Variants in NEU3 observed in about 807,000 individuals in gnomAD.
NEU3 encodes the protein sialidase-3.
Under a neutral mutation model 11.4 loss-of-function variants are expected in NEU3, and 10 were observed. The ratio of observed to expected loss-of-function variants is 0.88; its 90% confidence interval spans 0.54 to 1.49. The LOEUF (loss-of-function observed/expected upper bound fraction) is 1.49, where lower values mean the gene tolerates loss of function less well. Among genes scored for constraint, NEU3 ranks in the 40% most tolerant of loss-of-function variants. The probability of loss-of-function intolerance (pLI) is 0.00; values close to 1 mark genes in which losing one functional copy is unlikely to be tolerated. For missense variants in NEU3, 529 were observed against 581.8 expected (o/e 0.91, Z 0.93); for synonymous variants, 212 against 228.2 (o/e 0.93, Z 0.64).
Position 75,007,424 on chromosome 11 carries a change from T to C in NEU3, c.*932T>C, listed in dbSNP as rs1948910397. The C allele has an allele frequency of 6.6e-6, 1 of 152,208 alleles. No individual in the cohort carries two copies. The highest frequency in any genetic ancestry group is 1.5e-5 in the Non-Finnish European group (1 of 68,042). The allele number at this position is 152,208 out of a possible 1,614,324, so 9.4% of individuals were successfully genotyped here. On this transcript the variant is annotated 3_prime_UTR_variant, in exon 3 of 3. Transcript: ENST00000294064. The stretch of plus-strand genomic sequence containing the variant: ...AGCTGGTGGGAGACTTTGTAGATGT[T>C]GGGCTATATGTTGGGGTGATGGTAG...
intron 3 of NEU3, among the ~76,000 whole-genome samples, chr11:75,017,117 A>T (rs1023996206): frequency 1.2e-4 from 18 of 152,168 alleles, no homozygotes; most frequent in African/African-American, 4.1e-4. Flanking sequence ...TTATATGAAG[A>T]TGCTGACTTG....
chr11:74,989,189 G>C, intron 1 of NEU3, 35 bp downstream of exon 1: 1 of 1,509,560 alleles, frequency 6.6e-7, no homozygotes, highest in Non-Finnish European at 9.0e-7. Flanking sequence ...AGCTCCCCGA[G>C]GAGGACTCAA....
At chr11:75,003,850 A>G (rs564466402) in intron 2 of NEU3, among the ~76,000 whole-genome samples, 58 of 152,208 alleles carry the variant, frequency 3.8e-4, no homozygotes, top group South Asian at 6.2e-4. Context: ...AGATGACACC[A>G]CTGCACTGCA....
Position 75,006,025 on chromosome 11 carries a change from G to C in NEU3, c.919G>C (p.Glu307Gln), listed in dbSNP as rs1263216514. The change falls in exon 3 of 3, where the codon GAG (glutamate) becomes CAG (glutamine). Residue 307 changes from glutamate to glutamine, a missense_variant. Coordinates refer to ENST00000294064, the MANE Select transcript of NEU3 (RefSeq NM_006656.6). ...ACTGGCCCTGAGTCGACAGCTCTGT[G>C]AGCCCCCACATGGTTGCCAAGGGAG... is the stretch of plus-strand genomic sequence containing the variant. ...QRLALSRQLC[E>Q]PPHGCQGSVV... 7 of 1,613,892 alleles carry C rather than the reference G, an allele frequency of 4.3e-6. No individual in the cohort carries two copies. The highest frequency in any genetic ancestry group is 5.9e-6 in the Non-Finnish European group (7 of 1,179,910).
chr11:75,005,332 T>C, intron 2 of NEU3, 81 bp from the exon 3 acceptor site: 6 of 1,345,508 alleles, frequency 4.5e-6, no homozygotes, highest in Non-Finnish European at 5.0e-6. Flanking sequence ...TTCTTATTTA[T>C]GAAAAATACT....
At chr11:75,013,670 G>A (rs1300339468), downstream of NEU3, among the ~76,000 whole-genome samples, 1 of 152,148 alleles carries the variant, frequency 6.6e-6, no homozygotes, top group African/African-American at 2.4e-5. Context: ...CCACCACAAG[G>A]CCAGGTATAT....
At chr11:74,983,900 G>T (rs78159786), upstream of NEU3, among the ~76,000 whole-genome samples, 6 of 152,204 alleles carry the variant, frequency 3.9e-5, no homozygotes, top group Non-Finnish European at 7.3e-5. Context: ...GGTAGATCCT[G>T]ATGGTTTATG....
At chr11:75,013,000 G>A (rs1273926528), downstream of NEU3, among the ~76,000 whole-genome samples, 4 of 152,118 alleles carry the variant, frequency 2.6e-5, no homozygotes, top group Admixed American at 6.6e-5. Context: ...TGGTGATGTC[G>A]CATGAAGATT....
intron 2 of NEU3, chr11:75,004,435 C>T (rs1948878024): frequency 4.2e-6 from 2 of 475,940 alleles, no homozygotes; most frequent in Non-Finnish European, 7.4e-6. Flanking sequence ...GCATTTCTCT[C>T]TTATGAGTGA....
rs917620724 is a variant in NEU3, at chr11:75,008,071, A to G, written c.*1579A>G. 2 of 152,164 alleles carry G rather than the reference A, an allele frequency of 1.3e-5. No homozygotes were observed. The highest frequency in any genetic ancestry group is 4.8e-5 in the African/African-American group (2 of 41,420). The allele number at this position is 152,164 out of a possible 1,614,324, so 9.4% of individuals were successfully genotyped here. Reference sequence around the variant, plus strand: ...TTTAAAAATCCCCTTAGCCTCTCCTACATTTGCCAAGGTAATCTTCCCAAT... The same window carrying G: ...TTTAAAAATCCCCTTAGCCTCTCCTGCATTTGCCAAGGTAATCTTCCCAAT... On this transcript the variant is annotated 3_prime_UTR_variant, in exon 3 of 3. Coordinates refer to ENST00000294064, the MANE Select transcript of NEU3 (RefSeq NM_006656.6).
chr11:74,989,240 A>G, intron 1 of NEU3, 86 bp downstream of exon 1: 2 of 1,167,748 alleles, frequency 1.7e-6, no homozygotes, highest in Non-Finnish European at 2.5e-6. Flanking sequence ...CGTTTGGGAA[A>G]TCCAGCCTTG....
downstream of NEU3, among the ~76,000 whole-genome samples, chr11:75,014,910 T>A (rs557683792): frequency 6.6e-6 from 1 of 152,098 alleles, no homozygotes; most frequent in South Asian, 2.1e-4. Context: ...TATCTCTGAG[T>A]CACAAGTTGC....
intron 2 of NEU3, among the ~76,000 whole-genome samples, chr11:74,998,152 T>C (rs943813155): frequency 2.6e-5 from 4 of 152,176 alleles, no homozygotes; most frequent in African/African-American, 4.8e-5. Flanking sequence ...AGGACACATA[T>C]AGCATTTATC....
downstream of NEU3, among the ~76,000 whole-genome samples, chr11:75,015,640 A>T (rs549511694): frequency 6.6e-6 from 1 of 152,276 alleles, no homozygotes; most frequent in Non-Finnish European, 1.5e-5. Context: ...GAGTAGAATT[A>T]TGTTATGGTA....
chr11:74,989,314 T>C (rs570830723), intron 1 of NEU3, among the ~76,000 whole-genome samples, 160 bp downstream of exon 1: 3 of 152,268 alleles, frequency 2.0e-5, no homozygotes, highest in Admixed American at 2.0e-4. Context: ...TCTTGGCTAG[T>C]CCTATTTTTA....
chr11:74,992,937 G>A (rs1948748218), intron 1 of NEU3, among the ~76,000 whole-genome samples: 1 of 152,064 alleles, frequency 6.6e-6, no homozygotes. Flanking sequence ...TCAAGCCTGG[G>A]CAACAAGAGC....
chr11:75,005,525 T>C lies in NEU3; in HGVS notation c.419T>C (p.Val140Ala). ...SGCVFLFFIC[V>A]RGHVTERQQI... Reference sequence around the variant, plus strand: ...TGTGTGTTCCTGTTCTTCATCTGTGTGCGGGGCCATGTCACAGAGCGTCAA... The same window carrying C: ...TGTGTGTTCCTGTTCTTCATCTGTGCGCGGGGCCATGTCACAGAGCGTCAA... The change falls in exon 3 of 3, where the codon GTG becomes GCG. Residue 140 changes from valine to alanine, a missense_variant. Coordinates refer to ENST00000294064, the MANE Select transcript of NEU3 (RefSeq NM_006656.6). 6.2e-7 allele frequency: 1 copy of C among 1,613,978 alleles called. No homozygotes were observed. Among genetic ancestry groups the C allele is most frequent in the Non-Finnish European group, 8.5e-7 (1 of 1,179,888 alleles).
chr11:74,995,709 A>G (rs1280693898), intron 2 of NEU3, among the ~76,000 whole-genome samples: 3 of 152,176 alleles, frequency 2.0e-5, no homozygotes, highest in African/African-American at 4.8e-5. Flanking sequence ...TTGGCTAGTC[A>G]ATCTTTTTGC....
At chr11:75,004,380 A>AG (rs1383846605) in intron 2 of NEU3, 4 of 585,664 alleles carry the variant, frequency 6.8e-6, no homozygotes, top group South Asian at 2.0e-5. Context: ...CTGGGATTAC[A>AG]GCATGAGCCA....
Sources: gnomAD v4.1 joint callset for allele counts (sites outside exome capture counted in the v4.1 genomes callset) on GRCh38, gnomAD v4.1.1 for gene constraint, MANE v1.5 for transcripts, NCBI Gene and HGNC (gene_info 2026-07-23, HGNC 2026-07-21) for gene names.